Variants in AIDA observed in about 807,000 individuals in gnomAD.
AIDA encodes the protein axin interactor, dorsalization-associated protein.
Under a neutral mutation model 42.7 loss-of-function variants are expected in AIDA, and 18 were observed. The ratio of observed to expected loss-of-function variants is 0.42; its 90% CI spans 0.29 to 0.63. The LOEUF is 0.63. Ranked by LOEUF, AIDA falls within the 20% of genes least tolerant of loss-of-function variation. The probability of loss-of-function intolerance (pLI) is 0.19; values close to 1 mark genes in which losing one functional copy is unlikely to be tolerated. For missense variants in AIDA, 250 were observed against 354.1 expected (o/e 0.71, Z 2.36); for synonymous variants, 104 against 122.9 (o/e 0.85, Z 1.02).
In AIDA at chr1:222,702,760, G is replaced by T. The variant is rs1312132837; in HGVS notation, c.180+388C>A. Reference sequence around the variant, plus strand: ...AAGTTCAGAATCAAGTAAGTGCTGGGGTGGAATGCAATTACCCACAATCTT... The same window carrying T: ...AAGTTCAGAATCAAGTAAGTGCTGGTGTGGAATGCAATTACCCACAATCTT... On this transcript the variant is annotated intron_variant, in intron 2 of 9. Coordinates refer to ENST00000340020, the MANE Select transcript of AIDA (RefSeq NM_022831.4). 2.6e-5 allele frequency among the ~76,000 whole-genome samples: 4 copies of T among 152,154 alleles called. No homozygotes were observed. In the East Asian group the frequency reaches 7.7e-4, roughly 29 times the overall value.
intron 1 of AIDA, among the ~76,000 whole-genome samples, chr1:222,710,517 C>T (rs1382054438): frequency 6.6e-6 from 1 of 152,030 alleles, no homozygotes; most frequent in African/African-American, 2.4e-5. Flanking sequence ...CACCACCTCA[C>T]AAGTAAGAGA....
intron 2 of AIDA, among the ~76,000 whole-genome samples, chr1:222,697,727 T>A (rs1284181746): frequency 6.6e-6 from 1 of 152,078 alleles, no homozygotes; most frequent in African/African-American, 2.4e-5. Context: ...TCAATCTATA[T>A]AAGAAAAAAT....
chr1:222,706,394 G>A (rs73124884), intron 1 of AIDA, among the ~76,000 whole-genome samples: 40,508 of 151,878 alleles, frequency 0.27, 8,242 homozygotes, highest in African/African-American at 0.58. Context: ...AGTATTACTA[G>A]TAACAGTCCA....
intron 2 of AIDA, 119 bp from the exon 3 acceptor site, chr1:222,694,382 T>A: frequency 1.1e-6 from 1 of 894,986 alleles, no homozygotes; most frequent in Non-Finnish European, 1.8e-6. Flanking sequence ...TAAATTTTAT[T>A]TCTTTCTAGC....
chr1:222,689,520 T>TATATATATATATACATAC (rs765351898), intron 4 of AIDA, among the ~76,000 whole-genome samples: 3 of 58,110 alleles, frequency 5.2e-5, no homozygotes, highest in Admixed American at 3.5e-4. Flanking sequence ...TATATATATA[T>TATATATATATATACATAC]ACACACATAC....
At chr1:222,682,287 C>G (rs71644706) in intron 6 of AIDA, among the ~76,000 whole-genome samples, 44 of 152,130 alleles carry the variant, frequency 2.9e-4, no homozygotes, top group African/African-American at 1.0e-3. Flanking sequence ...ATATCACCAC[C>G]TAGACCAGAA....
At chr1:222,671,636 G>A (rs1363339864) in intron 8 of AIDA, among the ~76,000 whole-genome samples, 1 of 152,186 alleles carries the variant, frequency 6.6e-6, no homozygotes, top group Admixed American at 6.5e-5. Flanking sequence ...ATGGGATGTG[G>A]GTGAGGGAGA....
At chr1:222,699,660 C>G (rs905870518) in intron 2 of AIDA, among the ~76,000 whole-genome samples, 1 of 152,116 alleles carries the variant, frequency 6.6e-6, no homozygotes, top group Non-Finnish European at 1.5e-5. Context: ...CATTTATTAA[C>G]TTAGAGCCTC....
At chr1:222,699,205 G>A (rs1048781883) in intron 2 of AIDA, among the ~76,000 whole-genome samples, 4 of 152,022 alleles carry the variant, frequency 2.6e-5, no homozygotes, top group Non-Finnish European at 4.4e-5. Context: ...TCTAAGATTT[G>A]CCATTGCTAC....
intron 6 of AIDA, among the ~76,000 whole-genome samples, chr1:222,680,725 C>T (rs1439781704): frequency 2.0e-5 from 3 of 151,520 alleles, no homozygotes; most frequent in Non-Finnish European, 2.9e-5. Context: ...GTAAAGACAC[C>T]GATTATTTTG....
chr1:222,700,345 T>A (rs1039239150), intron 2 of AIDA, among the ~76,000 whole-genome samples: 1 of 152,214 alleles, frequency 6.6e-6, no homozygotes, highest in African/African-American at 2.4e-5. Flanking sequence ...GTCCCTCATT[T>A]CATACATAAG....
At chr1:222,671,695 ATAGT>A (rs1298471904) in intron 8 of AIDA, among the ~76,000 whole-genome samples, 1 of 152,190 alleles carries the variant, frequency 6.6e-6, no homozygotes, top group East Asian at 1.9e-4. Context: ...AAGGATTACA[ATAGT>A]TAGGTTACTG....
At chr1:222,675,181 T>C (rs1433907820) in intron 7 of AIDA, among the ~76,000 whole-genome samples, 1 of 152,210 alleles carries the variant, frequency 6.6e-6, no homozygotes, top group Non-Finnish European at 1.5e-5. Context: ...GTTCTCTTCA[T>C]TTGATTTCAG....
chr1:222,700,979 G>GGGGT (rs1655679411), intron 2 of AIDA, among the ~76,000 whole-genome samples: 1 of 145,586 alleles, frequency 6.9e-6, no homozygotes, highest in African/African-American at 2.6e-5. Context: ...TTTGGGGGGG[G>GGGGT]GGGGACAGGG....
intron 6 of AIDA, 30 bp from the exon 7 acceptor site, chr1:222,676,248 C>A: frequency 6.3e-7 from 1 of 1,593,814 alleles, no homozygotes; most frequent in East Asian, 2.3e-5. Flanking sequence ...AATAAAAGCT[C>A]CATATCATTT....
Position 222,669,708 on chromosome 1 carries a change from A to G in AIDA, c.*185T>C. Reference sequence around the variant, plus strand: ...ATAAACCTGTATCCCAAGGAGTCCTATACGTCAGTGTGATGTGCTGGACTC... The same window carrying G: ...ATAAACCTGTATCCCAAGGAGTCCTGTACGTCAGTGTGATGTGCTGGACTC... On this transcript the variant is annotated 3_prime_UTR_variant, in exon 10 of 10. Coordinates refer to ENST00000340020, the MANE Select transcript of AIDA (RefSeq NM_022831.4). 1 of 702,708 alleles carries G rather than the reference A, an allele frequency of 1.4e-6. No homozygotes were observed. The highest frequency in any genetic ancestry group is 4.2e-4 in the Middle Eastern group (1 of 2,394). 43.5% of individuals were successfully genotyped at this position (702,708 alleles called of 1,614,324 possible).
chr1:222,670,598 C>T (rs937456830), intron 8 of AIDA, among the ~76,000 whole-genome samples: 3 of 152,258 alleles, frequency 2.0e-5, no homozygotes, highest in South Asian at 4.1e-4. Flanking sequence ...TACTTCAATA[C>T]ACATAGAGAC....
At chr1:222,701,705 A>G (rs1303993464) in intron 2 of AIDA, among the ~76,000 whole-genome samples, 1 of 152,158 alleles carries the variant, frequency 6.6e-6, no homozygotes, top group Non-Finnish European at 1.5e-5. Flanking sequence ...AAGAAAAAAA[A>G]ATATTCTTTT....
At chr1:222,700,483 C>T (rs1317481201) in intron 2 of AIDA, among the ~76,000 whole-genome samples, 2 of 152,298 alleles carry the variant, frequency 1.3e-5, no homozygotes, top group East Asian at 1.9e-4. Context: ...TCGGGCCGGG[C>T]GCGGTGGCTC....
Sources: allele counts gnomAD v4.1 joint callset (sites outside exome capture counted in the v4.1 genomes callset), GRCh38; gene constraint gnomAD v4.1.1; transcripts MANE v1.5; gene names NCBI Gene and HGNC (gene_info 2026-07-23, HGNC 2026-07-21).